Variants in PCDH11Y observed in about 807,000 individuals in gnomAD.
PCDH11Y encodes protocadherin-11 Y-linked.
For missense variants in PCDH11Y, 12 were observed against 224.8 expected (o/e 0.05, Z 6.05); for synonymous variants, 9 against 83.6 (o/e 0.11, Z 4.87).
intron 2 of PCDH11Y, among the ~76,000 whole-genome samples, chrY:5,374,353 T>A: frequency 1.6e-4 from 5 of 30,636 alleles, no homozygotes; most frequent in Non-Finnish European, 3.9e-4. Flanking sequence ...GACAATCCAT[T>A]TGTGACAAGA....
At chrY:5,046,423 C>T (rs1427519956) in intron 3 of PCDH11Y, among the ~76,000 whole-genome samples, 52 of 33,493 alleles carry the variant, frequency 1.6e-3, no homozygotes, top group Non-Finnish European at 6.7e-4. Flanking sequence ...TTAGGCTGCT[C>T]GGGGGTCAGG....
At chrY:5,445,084 C>T in intron 2 of PCDH11Y, among the ~76,000 whole-genome samples, 3 of 22,551 alleles carry the variant, frequency 1.3e-4, no homozygotes. Flanking sequence ...TACAAAGAGG[C>T]GCAAGGAAAC....
At chrY:5,073,558 T>A (rs2124631053) in intron 1 of PCDH11Y, among the ~76,000 whole-genome samples, 1 of 26,900 alleles carries the variant, frequency 3.7e-5, no homozygotes, top group East Asian at 9.6e-4. Context: ...TGCCTTAGCC[T>A]CCTGAGTAGC....
chrY:5,334,990 G>A, intron 2 of PCDH11Y, among the ~76,000 whole-genome samples: 1 of 30,514 alleles, frequency 3.3e-5, no homozygotes, highest in Non-Finnish European at 7.9e-5. Flanking sequence ...CTCCAAAGAT[G>A]ATTTTGAGGG....
intron 4 of PCDH11Y, among the ~76,000 whole-genome samples, chrY:5,618,193 C>T (rs2053495763): frequency 2.9e-5 from 1 of 34,659 alleles, no homozygotes; most frequent in African/African-American, 1.2e-4. Flanking sequence ...ATAACTTGAG[C>T]GGCTGCAGAT....
intron 2 of PCDH11Y, among the ~76,000 whole-genome samples, chrY:5,217,698 G>A: frequency 3.0e-5 from 1 of 33,463 alleles, no homozygotes; most frequent in Non-Finnish European, 7.4e-5. Flanking sequence ...TGGCCACACA[G>A]GTTGTACCAA....
At chrY:5,651,411 A>G in intron 4 of PCDH11Y, among the ~76,000 whole-genome samples, 2 of 32,960 alleles carry the variant, frequency 6.1e-5, no homozygotes, top group Non-Finnish European at 1.5e-4. Flanking sequence ...ATCAATAGGA[A>G]ACTCTTTTAA....
At position 5,387,187 on chromosome Y, in the gene PCDH11Y, GGC is replaced by G. The variant is rs754848735; in HGVS notation, c.3130-113869_3130-113868del. Among the ~76,000 whole-genome samples the G allele has an allele frequency of 9.3e-5, 3 of 32,385 alleles. No individual in the cohort carries two copies. In the East Asian group the frequency reaches 2.5e-3, roughly 27 times the overall value. The allele number at this position is 32,385 out of a possible 37,273, so 86.9% of individuals were successfully genotyped here. On this transcript the variant is annotated intron_variant, in intron 2 of 4. Transcript: ENST00000400457. ...ATTACAGGTGTGCAACACCATGTCT[GGC>G]TAATTTTTGTATTTTTAGTAGAGAT...
At chrY:5,049,304 A>G (rs2052647574) in intron 3 of PCDH11Y, among the ~76,000 whole-genome samples, 1 of 29,884 alleles carries the variant, frequency 3.3e-5, no homozygotes, top group Non-Finnish European at 7.9e-5. Flanking sequence ...GTTTGAAGTC[A>G]GGTAATGTGA....
At chrY:5,501,708 C>T (rs2053354354) in intron 3 of PCDH11Y, among the ~76,000 whole-genome samples, 1 of 29,058 alleles carries the variant, frequency 3.4e-5, no homozygotes, top group Non-Finnish European at 8.1e-5. Flanking sequence ...TAGGAGAGGG[C>T]ATCTGAGGTT....
chrY:5,525,575 C>G, intron 3 of PCDH11Y, among the ~76,000 whole-genome samples: 1 of 31,051 alleles, frequency 3.2e-5, no homozygotes, highest in Non-Finnish European at 7.7e-5. Flanking sequence ...TAAAGTATGA[C>G]GTAGTTGCCC....
chrY:5,270,440 G>A, intron 2 of PCDH11Y, among the ~76,000 whole-genome samples: 1 of 26,932 alleles, frequency 3.7e-5, no homozygotes, highest in Non-Finnish European at 8.6e-5. Context: ...CTGGGAGGCC[G>A]AGGTTGCAGT....
At chrY:5,121,426 T>A in intron 2 of PCDH11Y, among the ~76,000 whole-genome samples, 1 of 31,361 alleles carries the variant, frequency 3.2e-5, no homozygotes, top group Admixed American at 3.0e-4. Flanking sequence ...ACTCAGCCAG[T>A]GTATTCTTTC....
intron 2 of PCDH11Y, among the ~76,000 whole-genome samples, chrY:5,454,479 G>A: frequency 5.9e-5 from 2 of 33,745 alleles, no homozygotes; most frequent in Non-Finnish European, 1.5e-4. Flanking sequence ...ACTCTGTGGG[G>A]GCTCCAACCC....
intron 2 of PCDH11Y, among the ~76,000 whole-genome samples, chrY:5,149,573 A>AACAC (rs368668672): frequency 5.6e-5 from 1 of 17,839 alleles, no homozygotes; most frequent in Non-Finnish European, 1.2e-4. Context: ...CACACACACA[A>AACAC]ACACACACAC....
chrY:5,238,029 A>T (rs2124654730), intron 2 of PCDH11Y, among the ~76,000 whole-genome samples: 26 of 33,347 alleles, frequency 7.8e-4, no homozygotes, highest in Admixed American at 2.5e-3. Context: ...TGCCATCTCC[A>T]TCAAGCTACC....
At chrY:5,465,430 T>C (rs2053307333) in intron 2 of PCDH11Y, among the ~76,000 whole-genome samples, 2 of 32,484 alleles carry the variant, frequency 6.2e-5, no homozygotes, top group South Asian at 6.9e-4. Context: ...TCAGAGTAGG[T>C]TCGACTAATG....
chrY:5,384,157 A>G (rs2053208531), intron 2 of PCDH11Y, among the ~76,000 whole-genome samples: 1 of 33,098 alleles, frequency 3.0e-5, no homozygotes, highest in Non-Finnish European at 7.4e-5. Flanking sequence ...AGAAGAACAT[A>G]TGAAATAATA....
intron 2 of PCDH11Y, among the ~76,000 whole-genome samples, chrY:5,370,163 A>G (rs2053185954): frequency 3.0e-5 from 1 of 33,808 alleles, no homozygotes; most frequent in Non-Finnish European, 7.3e-5. Context: ...TGGGACTTTC[A>G]GAGACGTATT....
Sources: allele counts gnomAD v4.1 joint callset (sites outside exome capture counted in the v4.1 genomes callset), GRCh38; gene constraint gnomAD v4.1.1; transcripts MANE v1.5; gene names NCBI Gene and HGNC (gene_info 2026-07-23, HGNC 2026-07-21).